The following WWC1 variants were observed in gnomAD, a reference collection of about 807,000 sequenced individuals.
WWC1 encodes the protein protein KIBRA.
Under a neutral mutation model 138.4 loss-of-function variants are expected in WWC1, and 55 were observed. The ratio of observed to expected loss-of-function variants is 0.40; its 90% CI spans 0.32 to 0.50. WWC1 has a LOEUF of 0.50. Ranked by LOEUF, WWC1 falls within the 20% of genes least tolerant of loss-of-function variation. WWC1 has a pLI of 0.72. For synonymous variants in WWC1, 524 were observed against 564.9 expected (o/e 0.93, Z 1.03); for missense variants, 1,226 against 1,420.4 (o/e 0.86, Z 2.20).
intron 1 of WWC1, among the ~76,000 whole-genome samples, chr5:168,319,403 T>C (rs1271589243): frequency 1.3e-5 from 2 of 152,150 alleles, no homozygotes; most frequent in Admixed American, 1.3e-4. Flanking sequence ...CTGGGCAACA[T>C]AGACTTCATC....
intron 6 of WWC1, among the ~76,000 whole-genome samples, chr5:168,407,256 T>C (rs1180778698): frequency 1.3e-5 from 2 of 152,238 alleles, no homozygotes; most frequent in Non-Finnish European, 2.9e-5. Flanking sequence ...CAGGTGATTA[T>C]GCCAAGCCTT....
chr5:168,454,006 A>T lies in WWC1; in HGVS notation c.2564A>T (p.Glu855Val), dbSNP rs1756069621. The change falls in exon 18 of 23, where the codon GAG (glutamate) becomes GTG (valine). Residue 855 changes from glutamate to valine, a missense_variant. This residue lies in a region of WWC1 where 1,016 missense variants were observed against 1,153.9 expected (regional missense o/e 0.88). Coordinates refer to ENST00000265293, the MANE Select transcript of WWC1 (RefSeq NM_015238.3). ...ACCAGTGAGAATGAGGCAGTAGCCG[A>T]GGAAGAGGAGGAGGAGGTGGAGGAG... ...EETSENEAVA[E>V]EEEEEVEEEE... is the part of the protein sequence containing the mutation. The T allele has an allele frequency of 6.2e-7, 1 of 1,600,036 alleles. No individual in the cohort carries two copies. The highest frequency in any genetic ancestry group is 8.5e-7 in the Non-Finnish European group (1 of 1,178,560).
At chr5:168,465,546 G>C (rs6555814) in intron 21 of WWC1, among the ~76,000 whole-genome samples, 1 of 94,582 alleles carries the variant, frequency 1.1e-5, no homozygotes, top group Non-Finnish European at 2.0e-5. Context: ...ATATCAGCTG[G>C]GCTTTTTTTT....
At position 168,408,438 on chromosome 5, in the gene WWC1, G is replaced by A. The variant is rs1036574094; in HGVS notation, c.721-69G>A. 67 of 1,562,396 alleles carry A rather than the reference G, an allele frequency of 4.3e-5. 1 individual carries two copies. In the Middle Eastern group the frequency reaches 2.1e-3, roughly 48 times the overall value. The stretch of plus-strand genomic sequence containing the variant: ...AAGGGAGGGTAGAGAGGGAAGCACA[G>A]GGAGCGTGGCAGACCCAGAGCTCCC... On this transcript the variant is annotated intron_variant, in intron 6 of 22. Transcript: ENST00000265293.
chr5:168,311,776 C>A (rs765229952), intron 1 of WWC1, among the ~76,000 whole-genome samples: 1 of 151,968 alleles, frequency 6.6e-6, no homozygotes, highest in Non-Finnish European at 1.5e-5. Flanking sequence ...ACTCAGGAGA[C>A]TGAGGCAGGA....
At position 168,340,747 on chromosome 5, in the gene WWC1, T is replaced by C. The variant is rs144685733; in HGVS notation, c.120-30677T>C. 2.6e-5 allele frequency among the ~76,000 whole-genome samples: 4 copies of C among 152,342 alleles called. No homozygotes were observed. In the East Asian group the frequency reaches 7.7e-4, roughly 29 times the overall value. Reference sequence around the variant, plus strand: ...TATCCATTCATCAGTTTGTGGATATTTGGGTTATTCTCACTTTTTGGCTAT... The same window carrying C: ...TATCCATTCATCAGTTTGTGGATATCTGGGTTATTCTCACTTTTTGGCTAT... On this transcript the variant is annotated intron_variant, in intron 1 of 22. Transcript: ENST00000265293.
At chr5:168,348,460 C>T (rs1486656504) in intron 1 of WWC1, among the ~76,000 whole-genome samples, 2 of 152,230 alleles carry the variant, frequency 1.3e-5, no homozygotes, top group Non-Finnish European at 2.9e-5. Context: ...GGCCACACAT[C>T]ATTGTCCCTC....
intron 3 of WWC1, among the ~76,000 whole-genome samples, chr5:168,393,700 A>C (rs1410053032): frequency 6.6e-6 from 1 of 152,228 alleles, no homozygotes; most frequent in African/African-American, 2.4e-5. Context: ...GGAGACACAC[A>C]GAGGAACACA....
chr5:168,384,626 T>C (rs1442639414), intron 2 of WWC1, among the ~76,000 whole-genome samples: 2 of 152,126 alleles, frequency 1.3e-5, no homozygotes, highest in Admixed American at 1.3e-4. Flanking sequence ...CTTGAGCCTC[T>C]CTGTCTAGAT....
chr5:168,301,150 G>C (rs1770032306), intron 1 of WWC1, among the ~76,000 whole-genome samples: 1 of 152,202 alleles, frequency 6.6e-6, no homozygotes, highest in Non-Finnish European at 1.5e-5. Flanking sequence ...TTTTGCAAAT[G>C]AGGAAACTGA....
chr5:168,423,094 C>T (rs538383803), intron 10 of WWC1, among the ~76,000 whole-genome samples: 20 of 144,670 alleles, frequency 1.4e-4, no homozygotes, highest in Non-Finnish European at 2.4e-4. Context: ...TGCAGTGAGC[C>T]GAGATCGCCC....
intron 3 of WWC1, among the ~76,000 whole-genome samples, chr5:168,392,825 G>A (rs1344672579): frequency 1.3e-5 from 2 of 152,130 alleles, no homozygotes; most frequent in Non-Finnish European, 2.9e-5. Context: ...CCAGATATCC[G>A]AGGAAAGCCT....
At chr5:168,298,801 C>T (rs561100555) in intron 1 of WWC1, among the ~76,000 whole-genome samples, 5 of 152,006 alleles carry the variant, frequency 3.3e-5, no homozygotes, top group African/African-American at 7.2e-5. Flanking sequence ...GTTAAGTAAC[C>T]GGCCGGGCGC....
chr5:168,350,208 C>T (rs1217457870), intron 1 of WWC1, among the ~76,000 whole-genome samples: 1 of 152,178 alleles, frequency 6.6e-6, no homozygotes, highest in Non-Finnish European at 1.5e-5. Context: ...TCAGTTTGCA[C>T]ATGATGATCT....
intron 15 of WWC1, among the ~76,000 whole-genome samples, chr5:168,434,110 T>C (rs575662435): frequency 3.3e-5 from 5 of 152,356 alleles, no homozygotes; most frequent in African/African-American, 1.2e-4. Flanking sequence ...AAGCATTCCC[T>C]TGGCCCTGGG....
Position 168,295,766 on chromosome 5 carries a change from C to T in WWC1, c.119+3495C>T, listed in dbSNP as rs540547782. On this transcript the variant is annotated intron_variant, in intron 1 of 22. Coordinates refer to ENST00000265293, the MANE Select transcript of WWC1 (RefSeq NM_015238.3). Reference sequence around the variant, plus strand: ...GGTAGGGAATCCAGTTTTCAGCTTCCCCTTTCACCAGGGGGTTGGAAGAGC... The same window carrying T: ...GGTAGGGAATCCAGTTTTCAGCTTCTCCTTTCACCAGGGGGTTGGAAGAGC... Among the ~76,000 whole-genome samples, 1,474 of 152,260 alleles carry T rather than the reference C, an allele frequency of 9.7e-3. 14 individuals carry two copies. Among genetic ancestry groups the T allele is most frequent in the Non-Finnish European group, 0.016 (1,102 of 68,020 alleles).
rs775024939 is a variant in WWC1 at position 168,292,226 on chromosome 5, T to G, written c.74T>G (p.Ile25Arg). 3.8e-6 allele frequency: 6 copies of G among 1,590,186 alleles called. No homozygotes were observed. Among genetic ancestry groups the G allele is most frequent in the Non-Finnish European group, 4.3e-6 (5 of 1,168,892 alleles). ...GACTTCGACGGCAAGGTCTACTACA[T>G]AGACCACACGAACCGCACCACCAGC... ...ARDFDGKVYYIDHTNRTTSWI... is the reference protein window; with the variant it reads ...ARDFDGKVYYRDHTNRTTSWI... Residue 25 changes from isoleucine to arginine, a missense_variant, in exon 1 of 23, where the codon ATA becomes AGA. Physicochemically the swap from Ile to Arg is moderately conservative, Grantham distance 97 (BLOSUM62 -3). This residue lies in a region of WWC1 where 1,016 missense variants were observed against 1,153.9 expected (regional missense o/e 0.88). Coordinates refer to ENST00000265293, the MANE Select transcript of WWC1 (RefSeq NM_015238.3). The surrounding 1 kb of genome is among the most constrained non-coding windows in gnomAD (Gnocchi z 4.4).
In WWC1 at chr5:168,292,396, G is replaced by T. The variant is rs997795799; in HGVS notation, c.119+125G>T. 2.6e-6 allele frequency: 3 copies of T among 1,137,190 alleles called. No homozygotes were observed. The highest frequency in any genetic ancestry group is 3.7e-6 in the Non-Finnish European group (3 of 816,126). The allele number at this position is 1,137,190 out of a possible 1,614,324, so 70.4% of individuals were successfully genotyped here. ...CTGCGTGCCTCTTGAGCTCTCTTCA[G>T]TTCGCCACCCCCTGCTCCCCCCAAC... On this transcript the variant is annotated intron_variant, in intron 1 of 22. Coordinates refer to ENST00000265293, the MANE Select transcript of WWC1 (RefSeq NM_015238.3). This position sits in a 1 kb window ranked among gnomAD's most constrained non-coding sequence, Gnocchi z 4.4.
At chr5:168,426,009 C>T (rs2040660644) in intron 11 of WWC1, among the ~76,000 whole-genome samples, 1 of 152,176 alleles carries the variant, frequency 6.6e-6, no homozygotes, top group Non-Finnish European at 1.5e-5. Flanking sequence ...GCAGCCAGAC[C>T]CATGTCAGCT....
Sources: gnomAD v4.1 joint callset for allele counts (sites outside exome capture counted in the v4.1 genomes callset) on GRCh38, gnomAD v4.1.1 for gene constraint, gnomAD v4.1.1 regional missense constraint, Gnocchi (gnomAD v3.1) non-coding constraint, MANE v1.5 for transcripts, NCBI Gene and HGNC (gene_info 2026-07-23, HGNC 2026-07-21) for gene names.